Variants in ARMC2 observed in about 807,000 individuals in gnomAD.
ARMC2 encodes armadillo repeat containing 2.
In ARMC2, 67 loss-of-function variants were observed where a neutral mutation model predicts 90.3. The ratio of observed to expected loss-of-function variants is 0.74; its 90% confidence interval spans 0.61 to 0.91. The LOEUF is 0.91. Ranked by LOEUF, ARMC2 falls within the 40% of genes least tolerant of loss-of-function variation. The probability of loss-of-function intolerance (pLI) is 0.00; values close to 1 mark genes in which losing one functional copy is unlikely to be tolerated. For missense variants in ARMC2, 920 were observed against 1,030.9 expected, an observed-to-expected ratio of 0.89 and a Z score of 1.47; for synonymous variants, 393 against 393.0, an observed-to-expected ratio of 1.00 and a Z score of 0.00.
chr6:108,870,570 AG>A (rs1196428513), intron 4 of ARMC2, among the ~76,000 whole-genome samples: 1 of 150,574 alleles, frequency 6.6e-6, no homozygotes, highest in African/African-American at 2.4e-5. Context: ...GGAAGGAGAG[AG>A]GGAAGGAGGA....
At chr6:109,004,505 C>T in the ARMC2 span, among the ~76,000 whole-genome samples, 2 of 150,964 alleles carry the variant, frequency 1.3e-5, no homozygotes, top group East Asian at 1.9e-4. Flanking sequence ...GGCATGATCT[C>T]GGCTCACTGC....
chr6:108,943,182 T>G (rs1776578227), intron 12 of ARMC2, among the ~76,000 whole-genome samples: 1 of 152,158 alleles, frequency 6.6e-6, no homozygotes, highest in Admixed American at 6.5e-5. Flanking sequence ...GTCACAAAAT[T>G]TTCCATTATT....
the ARMC2 span, chr6:108,998,710 C>T: frequency 6.2e-7 from 1 of 1,613,666 alleles, no homozygotes; most frequent in Non-Finnish European, 8.5e-7. Context: ...ACTGCATGTA[C>T]CAATTCCGCA....
intron 7 of ARMC2, among the ~76,000 whole-genome samples, chr6:108,901,704 A>T (rs1772177219): frequency 6.6e-6 from 1 of 152,178 alleles, no homozygotes. Flanking sequence ...GGTGTGAGCC[A>T]CTGAGCCGGC....
intron 4 of ARMC2, among the ~76,000 whole-genome samples, chr6:108,873,500 C>A (rs1776638729): frequency 6.6e-6 from 1 of 152,194 alleles, no homozygotes; most frequent in African/African-American, 2.4e-5. Flanking sequence ...GTTCACCACA[C>A]CCACCCTGCT....
chr6:108,967,213 T>C (rs1349627416), intron 17 of ARMC2, among the ~76,000 whole-genome samples: 1 of 152,222 alleles, frequency 6.6e-6, no homozygotes, highest in Admixed American at 6.5e-5. Flanking sequence ...CAGGGCACTT[T>C]CCTATGTCAC....
chr6:108,857,761 A>G (rs2128418065), intron 2 of ARMC2, among the ~76,000 whole-genome samples: 1 of 138,362 alleles, frequency 7.2e-6, no homozygotes, highest in East Asian at 2.0e-4. Context: ...TTTAGCTTGT[A>G]TTTTATGTAT....
At chr6:108,971,249 G>A (rs1207073415) in intron 17 of ARMC2, among the ~76,000 whole-genome samples, 2 of 152,064 alleles carry the variant, frequency 1.3e-5, no homozygotes, top group Non-Finnish European at 2.9e-5. Context: ...GAGACTACCT[G>A]ACTCTTTTTG....
At chr6:109,012,900 G>A in the ARMC2 span, among the ~76,000 whole-genome samples, 2 of 152,028 alleles carry the variant, frequency 1.3e-5, no homozygotes, top group Non-Finnish European at 2.9e-5. Context: ...CGGATCACAA[G>A]GTCAGGAGCT....
chr6:109,028,469 G>A, the ARMC2 span, among the ~76,000 whole-genome samples: 65 of 152,098 alleles, frequency 4.3e-4, no homozygotes, highest in African/African-American at 1.5e-3. Context: ...ACATTTGCAT[G>A]TATGTATGTT....
chr6:108,878,478 G>A (rs959698401), intron 5 of ARMC2, among the ~76,000 whole-genome samples: 3 of 152,166 alleles, frequency 2.0e-5, no homozygotes, highest in Admixed American at 6.5e-5. Flanking sequence ...TGTTTATCTG[G>A]CTGGGAGAGG....
At chr6:108,880,893 A>G (rs1777474957) in intron 5 of ARMC2, among the ~76,000 whole-genome samples, 1 of 144,694 alleles carries the variant, frequency 6.9e-6, no homozygotes, top group African/African-American at 2.6e-5. Flanking sequence ...GTCTAGCTCT[A>G]TTGTCAGGAT....
chr6:108,958,507 G>A (rs138587764), intron 13 of ARMC2, among the ~76,000 whole-genome samples: 1 of 152,300 alleles, frequency 6.6e-6, no homozygotes, highest in East Asian at 1.9e-4. Context: ...CCGCCCAAAT[G>A]TGTGGTCCTT....
chr6:109,016,079 G>A, the ARMC2 span, among the ~76,000 whole-genome samples: 1 of 152,252 alleles, frequency 6.6e-6, no homozygotes, highest in Non-Finnish European at 1.5e-5. Context: ...TAATGGAACT[G>A]AACTAATCCC....
the ARMC2 span, among the ~76,000 whole-genome samples, chr6:109,012,114 A>G: frequency 6.6e-6 from 1 of 152,244 alleles, no homozygotes. Flanking sequence ...ACATCTGCTG[A>G]AAAGATGAAC....
chr6:108,954,121 T>C (rs1328372522), intron 13 of ARMC2, among the ~76,000 whole-genome samples: 1 of 152,228 alleles, frequency 6.6e-6, no homozygotes, highest in African/African-American at 2.4e-5. Flanking sequence ...ATTAGGACCC[T>C]ACCCTTATGG....
In ARMC2 at chr6:108,961,716, G is replaced by A. The variant is rs1303672187; in HGVS notation, c.2038+22G>A. On this transcript the variant is annotated intron_variant, in intron 14 of 17. Coordinates refer to ENST00000392644, the MANE Select transcript of ARMC2 (RefSeq NM_032131.6). ...GAATGTAAGGTTCAGAGTTGGATTT[G>A]GATAAATGAGTGCTCATTTGAAGTT... 2.6e-6 allele frequency: 4 copies of A among 1,566,934 alleles called. No homozygotes were observed. The African/African-American group carries it at 5.4e-5, about 21-fold the overall frequency.
intron 17 of ARMC2, 52 bp from the exon 18 acceptor site, chr6:108,973,305 C>T: frequency 6.7e-7 from 1 of 1,481,482 alleles, no homozygotes. Flanking sequence ...AAACTATATT[C>T]AATAGGATTA....
chr6:109,016,955 TTA>T, the ARMC2 span, among the ~76,000 whole-genome samples: 1 of 152,116 alleles, frequency 6.6e-6, no homozygotes, highest in African/African-American at 2.4e-5. Flanking sequence ...TCTTAATTTG[TTA>T]TGAGTCTAAT....
Sources: allele counts gnomAD v4.1 joint callset (sites outside exome capture counted in the v4.1 genomes callset), GRCh38; gene constraint gnomAD v4.1.1; transcripts MANE v1.5; gene names NCBI Gene and HGNC (gene_info 2026-07-23, HGNC 2026-07-21).